TRABD2A: variants seen among roughly 807,000 people sequenced by gnomAD.
The protein encoded by TRABD2A is metalloprotease TIKI1.
Under a neutral mutation model 45.6 loss-of-function variants are expected in TRABD2A, and 43 were observed. The ratio of observed to expected loss-of-function variants is 0.94; its 90% CI spans 0.74 to 1.22. The LOEUF (loss-of-function observed/expected upper bound fraction) is 1.22. TRABD2A is among the 50% of genes most tolerant of loss of function. The pLI, the probability that TRABD2A is intolerant of heterozygous loss-of-function variation, is 0.00. For missense variants in TRABD2A, 642 were observed against 652.4 expected (o/e 0.98, Z 0.17); for synonymous variants, 269 against 265.0 (o/e 1.02, Z -0.15).
intron 2 of TRABD2A, among the ~76,000 whole-genome samples, chr2:84,861,939 G>A (rs1191991865): frequency 8.5e-5 from 13 of 152,226 alleles, no homozygotes; most frequent in Admixed American, 6.5e-4. Context: ...AAATGACTGT[G>A]AATGCAAAGG....
At chr2:84,855,861 C>A (rs112738746) in intron 2 of TRABD2A, among the ~76,000 whole-genome samples, 1 of 152,032 alleles carries the variant, frequency 6.6e-6, no homozygotes, top group Non-Finnish European at 1.5e-5. Context: ...GGTTCGAGTC[C>A]GGCAGATGTC....
At chr2:84,877,338 A>T (rs1340589216) in intron 1 of TRABD2A, among the ~76,000 whole-genome samples, 2 of 152,192 alleles carry the variant, frequency 1.3e-5, no homozygotes, top group African/African-American at 4.8e-5. Flanking sequence ...CTGTTAAAAT[A>T]TATGGCAATT....
chr2:84,876,148 T>C (rs1325657129), intron 1 of TRABD2A, among the ~76,000 whole-genome samples: 3 of 152,164 alleles, frequency 2.0e-5, no homozygotes, highest in Non-Finnish European at 4.4e-5. Context: ...ATGTCAAGCA[T>C]ACAACTTGTG....
intron 2 of TRABD2A, among the ~76,000 whole-genome samples, chr2:84,842,548 GGTGAAACAT>G (rs1194406503): frequency 1.3e-5 from 2 of 152,102 alleles, no homozygotes; most frequent in African/African-American, 4.8e-5. Context: ...TGGCCAACAT[GGTGAAACAT>G]GTCTCTACTA....
intron 2 of TRABD2A, among the ~76,000 whole-genome samples, chr2:84,854,995 G>A (rs969106598): frequency 6.6e-6 from 1 of 152,122 alleles, no homozygotes; most frequent in Non-Finnish European, 1.5e-5. Context: ...AGCCTCTGAA[G>A]GGACAGCCCT....
At chr2:84,860,893 T>C (rs1280181903) in intron 2 of TRABD2A, among the ~76,000 whole-genome samples, 2 of 152,184 alleles carry the variant, frequency 1.3e-5, no homozygotes, top group African/African-American at 2.4e-5. Context: ...AAGCCAGATG[T>C]AGGCCACATT....
At chr2:84,823,481 G>T in intron 6 of TRABD2A, among the ~76,000 whole-genome samples, 1 of 152,070 alleles carries the variant, frequency 6.6e-6, no homozygotes, top group Non-Finnish European at 1.5e-5. Flanking sequence ...GCAGACTCAG[G>T]CTCGCCTATC....
intron 3 of TRABD2A, among the ~76,000 whole-genome samples, chr2:84,840,820 T>C (rs1681686450): frequency 6.6e-6 from 1 of 152,212 alleles, no homozygotes; most frequent in Non-Finnish European, 1.5e-5. Flanking sequence ...TTGTCTCAAT[T>C]TGACTTTTTT....
chr2:84,832,191 C>T, intron 4 of TRABD2A, 46 bp from the exon 5 acceptor site: 2 of 1,588,280 alleles, frequency 1.3e-6, no homozygotes, highest in Non-Finnish European at 1.7e-6. Context: ...CTCAGGACCA[C>T]CAAACATACT....
At chr2:84,861,894 TCTGAAGCTCTTG>T (rs1397139508) in intron 2 of TRABD2A, among the ~76,000 whole-genome samples, 3 of 152,234 alleles carry the variant, frequency 2.0e-5, no homozygotes, top group East Asian at 1.9e-4. Flanking sequence ...ATTTTATGAT[TCTGAAGCTCTTG>T]CTGAAGCTCC....
intron 2 of TRABD2A, among the ~76,000 whole-genome samples, chr2:84,855,126 A>C (rs1682230965): frequency 6.6e-6 from 1 of 152,164 alleles, no homozygotes; most frequent in African/African-American, 2.4e-5. Context: ...CAAAGAGTAC[A>C]TCTACCCCAC....
intron 5 of TRABD2A, among the ~76,000 whole-genome samples, chr2:84,831,052 T>G (rs573548363): frequency 6.6e-6 from 1 of 152,208 alleles, no homozygotes; most frequent in East Asian, 1.9e-4. Flanking sequence ...CACATTCACA[T>G]GTTGAAGCCC....
chr2:84,842,038 A>T, intron 2 of TRABD2A, 31 bp from the exon 3 acceptor site: 4 of 1,454,416 alleles, frequency 2.8e-6, no homozygotes, highest in Non-Finnish European at 3.6e-6. Context: ...AAGTTCACTA[A>T]CAAGGCAACT....
At chr2:84,837,502 T>TCG (rs1681556593) in intron 4 of TRABD2A, 2 of 152,212 alleles carry the variant, frequency 1.3e-5, no homozygotes, top group African/African-American at 4.8e-5. Context: ...GGAACTCATC[T>TCG]CCTCTCCCTT....
intron 5 of TRABD2A, among the ~76,000 whole-genome samples, chr2:84,826,812 G>T (rs191662834): frequency 1.2e-4 from 19 of 152,346 alleles, no homozygotes; most frequent in African/African-American, 4.3e-4. Flanking sequence ...GATTATAGGC[G>T]TGAGCCACCG....
In TRABD2A at chr2:84,821,941, GA is replaced by G; in HGVS notation, c.1493del (p.Phe498SerfsTer23). The G allele has an allele frequency of 1.2e-6, 2 of 1,603,282 alleles. No homozygotes were observed. The highest frequency in any genetic ancestry group is 1.7e-6 in the Non-Finnish European group (2 of 1,174,752). ...GTTACAGGAGGGGTGTCTCTGTTTG[GA>G]AAGCCAGCACCAGCACCCAGAACAC... The part of the protein sequence containing the change: ...TPVFWVLVLA[F>X]QTETPLL On this transcript the variant is annotated frameshift_variant, in exon 7 of 7. Coordinates refer to ENST00000409520, the MANE Select transcript of TRABD2A (RefSeq NM_001277053.2). LOFTEE classifies it high-confidence loss of function.
Position 84,821,838 on chromosome 2 carries a change from C to T in TRABD2A, c.*79G>A. ...CTCTTCTGGATTGGGCCCAACAAGG[C>T]TAGACCAGAATGTGGAGTACAGGAA... On this transcript the variant is annotated 3_prime_UTR_variant, in exon 7 of 7. Transcript: ENST00000409520. 1 of 1,405,514 alleles carries T rather than the reference C, an allele frequency of 7.1e-7. No individual in the cohort carries two copies. The allele number at this position is 1,405,514 out of a possible 1,614,324, so 87.1% of individuals were successfully genotyped here. A position where few individuals can be genotyped will look rare whatever the true frequency, so the allele number is the denominator to read the frequency against.
At position 84,839,160 on chromosome 2, in the gene TRABD2A, G is replaced by T. The variant is rs1355897093; in HGVS notation, c.980C>A (p.Ala327Asp). The T allele has an allele frequency of 6.2e-7, 1 of 1,613,866 alleles. No homozygotes were observed. The highest frequency in any genetic ancestry group is 8.5e-7 in the Non-Finnish European group (1 of 1,179,866). ...GACCCACTACTCACCAGCTCCAAAG[G>T]CAAAGAAGAAGCCTTTGTCAGGGAA... ...EEFPDKGFFF[A>D]FGAGHFMGNN... The change falls in exon 4 of 7, where the codon GCC becomes GAC. Residue 327 changes from alanine (A) to aspartate (D), a missense_variant. Transcript: ENST00000409520.
chr2:84,851,091 G>T (rs950276990), intron 2 of TRABD2A: 13 of 152,272 alleles, frequency 8.5e-5, no homozygotes, highest in African/African-American at 3.1e-4. Context: ...ACCTGCAAAA[G>T]TGTCTGCTTC....
Sources: allele counts gnomAD v4.1 joint callset (sites outside exome capture counted in the v4.1 genomes callset), GRCh38; gene constraint gnomAD v4.1.1; transcripts MANE v1.5; gene names NCBI Gene and HGNC (gene_info 2026-07-23, HGNC 2026-07-21).